WWOX: variants seen among roughly 807,000 people sequenced by gnomAD.
WWOX encodes WW domain-containing oxidoreductase.
WWOX carries 69 observed loss-of-function variants against 46.2 expected under a neutral mutation model. The observed-to-expected ratio is 1.49, with a 90% confidence interval of 1.23 to 1.82. WWOX has a LOEUF of 1.82. Among genes scored for constraint, WWOX ranks in the 40% most tolerant of loss-of-function variants. The pLI is 0.00. For synonymous variants in WWOX, 359 were observed against 202.6 expected, an observed-to-expected ratio of 1.77 and a Z score of -6.56; for missense variants, 919 against 542.6, an observed-to-expected ratio of 1.69 and a Z score of -6.89.
intron 1 of WWOX, among the ~76,000 whole-genome samples, chr16:78,104,683 A>G (rs1320964004): frequency 6.6e-6 from 1 of 152,186 alleles, no homozygotes; most frequent in African/African-American, 2.4e-5. Context: ...AGAATAGGAG[A>G]ATGCTTAGGG....
At position 79,051,890 on chromosome 16, in the gene WWOX, T is replaced by C. The variant is rs866007175; in HGVS notation, c.1057-159718T>C. ...TTTAGCCTAAATATTTGCCCTGGCA[T>C]GCTTATACTGGTCCAAGCAAGCATT... On this transcript the variant is annotated intron_variant, in intron 8 of 8. Transcript: ENST00000566780. 2.2e-4 allele frequency among the ~76,000 whole-genome samples: 33 copies of C among 152,376 alleles called. No individual in the cohort carries two copies. The Middle Eastern group carries it at 0.02, about 94-fold the overall frequency.
chr16:78,940,599 T>C (rs1377602779), intron 8 of WWOX, among the ~76,000 whole-genome samples: 1 of 152,098 alleles, frequency 6.6e-6, no homozygotes, highest in East Asian at 1.9e-4. Context: ...TCTCAAATGC[T>C]CTAATCTCCA....
chr16:78,881,225 A>G (rs1175294813), intron 8 of WWOX, among the ~76,000 whole-genome samples: 1 of 151,586 alleles, frequency 6.6e-6, no homozygotes, highest in Admixed American at 6.6e-5. Context: ...CTGGTCTCAA[A>G]ACTCCTGGGC....
At chr16:79,094,181 C>T (rs1025917278) in intron 8 of WWOX, among the ~76,000 whole-genome samples, 2 of 151,694 alleles carry the variant, frequency 1.3e-5, no homozygotes, top group African/African-American at 4.8e-5. Context: ...AAAAGTTCGT[C>T]GTGTGCCGAT....
chr16:79,061,793 C>T (rs2048361937), intron 8 of WWOX, among the ~76,000 whole-genome samples: 1 of 152,044 alleles, frequency 6.6e-6, no homozygotes, highest in South Asian at 2.1e-4. Flanking sequence ...AGCTAATATG[C>T]CTCTATGTCA....
chr16:78,682,369 G>T (rs1051790136), intron 8 of WWOX, among the ~76,000 whole-genome samples: 1 of 152,178 alleles, frequency 6.6e-6, no homozygotes, highest in African/African-American at 2.4e-5. Flanking sequence ...TTTTGTACCA[G>T]TGAGGATGAA....
chr16:78,829,090 G>A (rs753257261), intron 8 of WWOX, among the ~76,000 whole-genome samples: 2 of 64,190 alleles, frequency 3.1e-5, no homozygotes, highest in Non-Finnish European at 6.4e-5. Flanking sequence ...TCTGGAAGAT[G>A]GATGGATGGA....
At chr16:78,947,064 T>TG (rs2045963130) in intron 8 of WWOX, among the ~76,000 whole-genome samples, 1 of 150,582 alleles carries the variant, frequency 6.6e-6, no homozygotes, top group South Asian at 2.1e-4. Context: ...AGTTTCTTTT[T>TG]TTAAAAAAAA....
At position 78,940,833 on chromosome 16, in the gene WWOX, C is replaced by G. The variant is rs556735559; in HGVS notation, c.1057-270775C>G. ...AGTCTTTCAAGAGAAGAGGTTGATC[C>G]CGGTGTAATGTACAGCTTCATTCTA... is the stretch of plus-strand genomic sequence containing the variant. On this transcript the variant is annotated intron_variant, in intron 8 of 8. Coordinates refer to ENST00000566780, the MANE Select transcript of WWOX (RefSeq NM_016373.4). Among the ~76,000 whole-genome samples, 88 of 151,898 alleles carry G rather than the reference C, an allele frequency of 5.8e-4. 1 individual carries two copies. Among genetic ancestry groups the G allele is most frequent in the Admixed American group, 3.9e-3 (60 of 15,254 alleles).
At chr16:78,399,582 C>G (rs186586105) in intron 6 of WWOX, among the ~76,000 whole-genome samples, 3 of 152,248 alleles carry the variant, frequency 2.0e-5, no homozygotes, top group Admixed American at 2.0e-4. Flanking sequence ...AGTGAGACCA[C>G]CCACGCAGAC....
At chr16:79,082,619 A>G (rs2048781780) in intron 8 of WWOX, among the ~76,000 whole-genome samples, 1 of 152,068 alleles carries the variant, frequency 6.6e-6, no homozygotes, top group African/African-American at 2.4e-5. Context: ...GAGTGTTTTG[A>G]TTTCATCCTA....
intron 8 of WWOX, among the ~76,000 whole-genome samples, chr16:78,682,358 T>G (rs12149045): frequency 0.014 from 2,137 of 152,304 alleles, 23 homozygotes; most frequent in South Asian, 0.04. Flanking sequence ...CAGCTCAGTT[T>G]TTTTGTACCA....
chr16:78,481,144 C>T (rs1211177445), intron 8 of WWOX, among the ~76,000 whole-genome samples: 1 of 152,172 alleles, frequency 6.6e-6, no homozygotes, highest in East Asian at 1.9e-4. Context: ...CTATACCATT[C>T]CTGGAGGTAG....
chr16:79,199,519 T>C (rs186538968), intron 8 of WWOX, among the ~76,000 whole-genome samples: 3 of 152,322 alleles, frequency 2.0e-5, no homozygotes, highest in Non-Finnish European at 2.9e-5. Context: ...TTGAGAATTA[T>C]GTTATGAAGT....
intron 8 of WWOX, among the ~76,000 whole-genome samples, chr16:79,138,706 C>G (rs1041770585): frequency 2.0e-5 from 3 of 152,206 alleles, no homozygotes; most frequent in Non-Finnish European, 4.4e-5. Context: ...CTTGCACACA[C>G]TTGTTTAGAT....
chr16:78,224,910 A>G (rs1567439618), intron 5 of WWOX, among the ~76,000 whole-genome samples: 2 of 152,128 alleles, frequency 1.3e-5, no homozygotes, highest in African/African-American at 2.4e-5. Flanking sequence ...CAAATGATCT[A>G]TTAATGTTCT....
chr16:78,129,166 C>A (rs1020404438), intron 4 of WWOX, among the ~76,000 whole-genome samples: 3 of 152,138 alleles, frequency 2.0e-5, no homozygotes, highest in African/African-American at 7.2e-5. Context: ...TCGCCACTTG[C>A]CCAGTGTTTC....
intron 8 of WWOX, among the ~76,000 whole-genome samples, chr16:78,913,814 C>G (rs1034867418): frequency 6.6e-6 from 1 of 151,938 alleles, no homozygotes; most frequent in African/African-American, 2.4e-5. Context: ...GTGTGCACCA[C>G]AATGCCCAGC....
At chr16:79,206,096 C>G (rs1444811795) in intron 8 of WWOX, 2 of 152,118 alleles carry the variant, frequency 1.3e-5, no homozygotes, top group African/African-American at 2.4e-5. Context: ...AAATGGATAT[C>G]ATTTCAATTT....
Sources: gnomAD v4.1 joint callset for allele counts (sites outside exome capture counted in the v4.1 genomes callset) on GRCh38, gnomAD v4.1.1 for gene constraint, MANE v1.5 for transcripts, NCBI Gene and HGNC (gene_info 2026-07-23, HGNC 2026-07-21) for gene names.